The following PCSK6 variants were observed in gnomAD, a reference collection of about 807,000 sequenced individuals.
PCSK6 encodes proprotein convertase subtilisin/kexin type 6, also known as paired basic amino acid cleaving enzyme 4.
Under a neutral mutation model 123.3 loss-of-function variants are expected in PCSK6, and 85 were observed. The ratio of observed to expected loss-of-function variants is 0.69; its 90% CI spans 0.58 to 0.83. The LOEUF is 0.83. Among genes scored for constraint, PCSK6 ranks in the 40% least tolerant of loss-of-function variants. PCSK6 has a pLI of 0.00. For missense variants in PCSK6, 1,191 were observed against 1,282.3 expected (o/e 0.93, Z 1.09); for synonymous variants, 508 against 516.0 (o/e 0.98, Z 0.21).
chr15:101,328,455 G>C (rs1002792110), intron 15 of PCSK6, among the ~76,000 whole-genome samples: 3 of 152,184 alleles, frequency 2.0e-5, no homozygotes, highest in Non-Finnish European at 4.4e-5. Context: ...ACTATTTGCT[G>C]AGCGGATGAG....
chr15:101,483,568 G>A (rs372406421), intron 1 of PCSK6, among the ~76,000 whole-genome samples: 1 of 152,174 alleles, frequency 6.6e-6, no homozygotes, highest in Non-Finnish European at 1.5e-5. Context: ...CCACCCTTAA[G>A]ATAAACATCA....
chr15:101,308,945 G>A (rs1200304686), intron 20 of PCSK6: 1 of 152,376 alleles, frequency 6.6e-6, no homozygotes, highest in Non-Finnish European at 1.5e-5. Flanking sequence ...GGCCACGGCT[G>A]AGGGCTGCTT....
chr15:101,467,433 A>G (rs185721616), intron 1 of PCSK6, among the ~76,000 whole-genome samples: 1 of 149,736 alleles, frequency 6.7e-6, no homozygotes, highest in Admixed American at 6.6e-5. Flanking sequence ...CACCACACCC[A>G]GCTAATTTTT....
intron 20 of PCSK6, chr15:101,309,027 CA>C (rs751149764): frequency 6.6e-6 from 1 of 152,386 alleles, no homozygotes; most frequent in Non-Finnish European, 1.5e-5. Context: ...CTTGCTTCTT[CA>C]AATACAACCT....
intron 6 of PCSK6, among the ~76,000 whole-genome samples, chr15:101,419,807 G>A (rs1187510909): frequency 1.3e-5 from 2 of 151,978 alleles, no homozygotes; most frequent in African/African-American, 2.4e-5. Context: ...TGTGATGAGG[G>A]CCACGTGTGG....
intron 1 of PCSK6, among the ~76,000 whole-genome samples, chr15:101,476,231 G>A (rs1432943591): frequency 6.6e-6 from 1 of 152,166 alleles, no homozygotes; most frequent in Non-Finnish European, 1.5e-5. Flanking sequence ...TACACAGTAA[G>A]GGCCAGCAAT....
chr15:101,456,464 C>T (rs140572519), intron 1 of PCSK6, among the ~76,000 whole-genome samples: 239 of 152,302 alleles, frequency 1.6e-3, no homozygotes, highest in African/African-American at 5.5e-3. Flanking sequence ...TCATTCCTTC[C>T]CTCAACAAAT....
intron 8 of PCSK6, among the ~76,000 whole-genome samples, chr15:101,390,683 G>A (rs780522164): frequency 6.6e-6 from 1 of 152,200 alleles, no homozygotes; most frequent in Non-Finnish European, 1.5e-5. Context: ...ACAGGGACCT[G>A]AGTTTTGCCA....
intron 13 of PCSK6, among the ~76,000 whole-genome samples, chr15:101,349,464 C>G (rs987792513): frequency 6.6e-6 from 1 of 152,178 alleles, no homozygotes; most frequent in Non-Finnish European, 1.5e-5. Context: ...CTGTAGAGGT[C>G]GCAGCCAATT....
At chr15:101,408,156 A>G (rs1362200617) in intron 6 of PCSK6, among the ~76,000 whole-genome samples, 1 of 152,222 alleles carries the variant, frequency 6.6e-6, no homozygotes, top group Non-Finnish European at 1.5e-5. Flanking sequence ...ACCACACGCA[A>G]GTACGGCAAG....
At chr15:101,370,212 G>A (rs1195010108) in intron 12 of PCSK6, 123 bp downstream of exon 12, 1 of 744,242 alleles carries the variant, frequency 1.3e-6, no homozygotes, top group African/African-American at 1.8e-5. Context: ...AGCAGAACCA[G>A]TGGGAGTCCC....
At chr15:101,422,502 C>G (rs1051865157) in intron 6 of PCSK6, among the ~76,000 whole-genome samples, 1 of 152,082 alleles carries the variant, frequency 6.6e-6, no homozygotes, top group South Asian at 2.1e-4. Context: ...GAGTAAAGAC[C>G]ATATGCTAGG....
At chr15:101,482,073 T>C (rs973704451) in intron 1 of PCSK6, among the ~76,000 whole-genome samples, 1 of 152,230 alleles carries the variant, frequency 6.6e-6, no homozygotes, top group African/African-American at 2.4e-5. Context: ...TTGCTATGCC[T>C]CTTGTCTGTT....
intron 1 of PCSK6, among the ~76,000 whole-genome samples, chr15:101,485,789 C>T (rs2058006262): frequency 6.6e-6 from 1 of 152,088 alleles, no homozygotes; most frequent in African/African-American, 2.4e-5. Context: ...TATTCCTGGA[C>T]CTTACTCTTC....
intron 1 of PCSK6, among the ~76,000 whole-genome samples, chr15:101,469,547 C>T (rs2141231015): frequency 6.6e-6 from 1 of 152,296 alleles, no homozygotes; most frequent in Admixed American, 6.5e-5. Context: ...TAATTTCAGG[C>T]AAGAGGGTCC....
In PCSK6 at chr15:101,313,386, C is replaced by A; in HGVS notation, c.2689G>T (p.Val897Leu). The change falls in exon 20 of 22, where the codon GTG becomes TTG. Residue 897 changes from valine (V) to leucine (L), a missense_variant. Val to Leu is a conservative substitution (Grantham distance 32). This residue lies in a region of PCSK6 where 630 missense variants were observed against 631.4 expected (regional missense o/e 1.00). Transcript: ENST00000611716. ...CCAGGAGGACCGTACCTTCGACACA[C>A]TTTGTGGGGCAAGCCCGGCATCTCT... ...PEEMPGLPHK[V>L]CRRCDENCLS... 6.2e-7 allele frequency: 1 copy of A among 1,612,792 alleles called. No individual in the cohort carries two copies. Among genetic ancestry groups the A allele is most frequent in the Non-Finnish European group, 8.5e-7 (1 of 1,179,872 alleles).
chr15:101,324,663 C>T (rs1208241779), intron 17 of PCSK6, among the ~76,000 whole-genome samples, 187 bp downstream of exon 17: 1 of 152,226 alleles, frequency 6.6e-6, no homozygotes. Flanking sequence ...TGGGGAAGTG[C>T]TATTAACTAA....
chr15:101,478,444 C>T (rs1192536141), intron 1 of PCSK6, among the ~76,000 whole-genome samples: 1 of 152,182 alleles, frequency 6.6e-6, no homozygotes. Context: ...AAACCTTCCA[C>T]AGGACAGGCT....
At chr15:101,337,863 AC>A (rs1383748064) in intron 13 of PCSK6, among the ~76,000 whole-genome samples, 1 of 152,224 alleles carries the variant, frequency 6.6e-6, no homozygotes. Flanking sequence ...TGTGAACGTG[AC>A]CATTTGTTTA....
Sources: allele counts gnomAD v4.1 joint callset (sites outside exome capture counted in the v4.1 genomes callset), GRCh38; gene constraint gnomAD v4.1.1; regional missense constraint gnomAD v4.1.1; transcripts MANE v1.5; gene names NCBI Gene and HGNC (gene_info 2026-07-23, HGNC 2026-07-21).